TRAF3: variants seen among roughly 807,000 people sequenced by gnomAD.
The protein encoded by TRAF3 is TNF receptor-associated factor 3.
In TRAF3, 13 loss-of-function variants were observed where a neutral mutation model predicts 62.3. That is an observed-to-expected ratio of 0.21 (90% CI 0.14 to 0.33). The LOEUF is 0.33. TRAF3 is among the 10% of genes least tolerant of loss of function. The pLI, the probability that TRAF3 is intolerant of heterozygous loss-of-function variation, is 1.00. For synonymous variants in TRAF3, 269 were observed against 283.4 expected, an observed-to-expected ratio of 0.95 and a Z score of 0.51; for missense variants, 440 against 741.8, an observed-to-expected ratio of 0.59 and a Z score of 4.73.
chr14:102,810,549 C>T (rs992626645), intron 1 of TRAF3: 10 of 152,326 alleles, frequency 6.6e-5, no homozygotes, highest in African/African-American at 2.4e-4. Flanking sequence ...TTGCAGTGTT[C>T]ACAAGACACT....
rs117075635 is a variant in TRAF3, at chr14:102,903,173, C to G, written c.961-82C>G. On this transcript the variant is annotated intron_variant, in intron 10 of 11. Coordinates refer to ENST00000392745, the MANE Select transcript of TRAF3 (RefSeq NM_145725.3). The surrounding 1 kb of genome is among the most constrained non-coding windows in gnomAD (Gnocchi z 6.4). ...GGGCCTCTGACTGTTCTGCTCCTAG[C>G]CTGTCTGTATTTGATGGAAGGTGGT... The G allele has an allele frequency of 6.2e-3, 9,833 of 1,594,968 alleles. 52 individuals are homozygous for G. The highest frequency in any genetic ancestry group is 7.5e-3 in the Non-Finnish European group (8,709 of 1,163,262).
intron 1 of TRAF3, among the ~76,000 whole-genome samples, chr14:102,812,330 G>A (rs1205698034): frequency 6.6e-6 from 1 of 152,074 alleles, no homozygotes; most frequent in East Asian, 1.9e-4. Context: ...GTGAACGACA[G>A]GATTTCATTC....
intron 1 of TRAF3, among the ~76,000 whole-genome samples, chr14:102,829,991 A>G (rs1025073641): frequency 6.6e-6 from 1 of 152,168 alleles, no homozygotes; most frequent in Non-Finnish European, 1.5e-5. Flanking sequence ...AAATAAATAA[A>G]TAAATAAAAC....
chr14:102,817,450 A>G (rs1311390193), intron 1 of TRAF3, among the ~76,000 whole-genome samples: 4 of 152,170 alleles, frequency 2.6e-5, no homozygotes, highest in South Asian at 4.2e-4. Flanking sequence ...GTGCTCTGGA[A>G]GGCAGGGTGT....
intron 2 of TRAF3, among the ~76,000 whole-genome samples, chr14:102,858,208 A>G (rs567327935): frequency 1.3e-4 from 19 of 151,640 alleles, no homozygotes; most frequent in Middle Eastern, 3.4e-3. Context: ...CTGGCATGCA[A>G]TGGCGTGATC....
At chr14:102,894,928 T>C in intron 9 of TRAF3, 3 of 334,226 alleles carry the variant, frequency 9.0e-6, no homozygotes, top group East Asian at 8.7e-5. Context: ...CTTCAATTCC[T>C]TGGGCTCAAG....
At chr14:102,782,973 G>A (rs1274335364) in intron 1 of TRAF3, among the ~76,000 whole-genome samples, 3 of 152,198 alleles carry the variant, frequency 2.0e-5, no homozygotes, top group Non-Finnish European at 2.9e-5. Context: ...CAGGAGTCAT[G>A]AGAATTGTAA....
chr14:102,791,810 T>C (rs1897802580), intron 1 of TRAF3, among the ~76,000 whole-genome samples: 1 of 142,840 alleles, frequency 7.0e-6, no homozygotes, highest in African/African-American at 2.6e-5. Flanking sequence ...TTTTCTTTCT[T>C]TCCTTTTTTT....
intron 2 of TRAF3, among the ~76,000 whole-genome samples, chr14:102,860,349 T>G (rs1322704412): frequency 1.3e-5 from 2 of 152,184 alleles, no homozygotes; most frequent in Admixed American, 1.3e-4. Context: ...TCTATCCACT[T>G]TTAATAATTC....
intron 2 of TRAF3, among the ~76,000 whole-genome samples, chr14:102,840,752 C>T (rs2139677346): frequency 6.6e-6 from 1 of 152,156 alleles, no homozygotes; most frequent in South Asian, 2.1e-4. Flanking sequence ...CTTGGCTTGC[C>T]CTAGTCCCAA....
chr14:102,833,409 G>T (rs757150741), intron 2 of TRAF3, among the ~76,000 whole-genome samples: 2 of 152,088 alleles, frequency 1.3e-5, no homozygotes, highest in Non-Finnish European at 2.9e-5. Flanking sequence ...TAAGGAGTAG[G>T]AAACAACTAA....
intron 6 of TRAF3, among the ~76,000 whole-genome samples, chr14:102,881,753 T>C (rs951196724): frequency 1.3e-5 from 2 of 152,184 alleles, no homozygotes; most frequent in Admixed American, 6.5e-5. Context: ...TAAATAAATA[T>C]ATAGCTATCA....
rs998811725 is a variant in TRAF3 at position 102,910,305 on chromosome 14, C to G, written c.*4521C>G. 6.6e-6 allele frequency: 1 copy of G among 152,268 alleles called. No individual in the cohort carries two copies. Among genetic ancestry groups the G allele is most frequent in the African/African-American group, 2.4e-5 (1 of 41,462 alleles). The allele number at this position is 152,268 out of a possible 1,614,324, so 9.4% of individuals were successfully genotyped here. The stretch of plus-strand genomic sequence containing the variant: ...TACTTATTAGACTGCAGAAGGAGAG[C>G]TAGGGAGAGTGGGGGAAGCCCCCTT... On this transcript the variant is annotated 3_prime_UTR_variant, in exon 12 of 12. Coordinates refer to ENST00000392745, the MANE Select transcript of TRAF3 (RefSeq NM_145725.3).
At chr14:102,898,464 G>A (rs1165453876) in intron 10 of TRAF3, among the ~76,000 whole-genome samples, 8 of 152,228 alleles carry the variant, frequency 5.3e-5, no homozygotes, top group South Asian at 2.1e-4. Flanking sequence ...TGGCCAAGGC[G>A]ACTGGTCAGG....
chr14:102,836,497 G>A lies in TRAF3; in HGVS notation c.-18+6025G>A, dbSNP rs577657847. 4.6e-5 allele frequency among the ~76,000 whole-genome samples: 7 copies of A among 152,260 alleles called. No homozygotes were observed. The South Asian group carries it at 1.4e-3, about 32-fold the overall frequency. ...CTGCAGTGAATCATTAGTGTATTAG[G>A]TAAAAGCCAACATTGCAGAATATAG... is the stretch of plus-strand genomic sequence containing the variant. On this transcript the variant is annotated intron_variant, in intron 2 of 11. Transcript: ENST00000392745.
intron 2 of TRAF3, among the ~76,000 whole-genome samples, chr14:102,856,972 G>C (rs1887408916): frequency 6.6e-6 from 1 of 152,176 alleles, no homozygotes. Context: ...AAAACATTCA[G>C]TAAACTTATC....
intron 2 of TRAF3, among the ~76,000 whole-genome samples, chr14:102,847,665 C>T (rs1368736726): frequency 1.3e-5 from 2 of 152,160 alleles, no homozygotes; most frequent in African/African-American, 2.4e-5. Flanking sequence ...ATATGACACA[C>T]AGGTATGCCA....
At chr14:102,805,284 G>GA (rs1266324453) in intron 1 of TRAF3, among the ~76,000 whole-genome samples, 1 of 152,154 alleles carries the variant, frequency 6.6e-6, no homozygotes, top group East Asian at 1.9e-4. Context: ...AGATGGGAAG[G>GA]AAAAAGGTAA....
At chr14:102,827,708 G>A (rs1347458508) in intron 1 of TRAF3, among the ~76,000 whole-genome samples, 2 of 152,196 alleles carry the variant, frequency 1.3e-5, no homozygotes, top group Non-Finnish European at 2.9e-5. Flanking sequence ...AGTATTGCAT[G>A]AATGAATGAA....
Sources: allele counts gnomAD v4.1 joint callset (sites outside exome capture counted in the v4.1 genomes callset), GRCh38; gene constraint gnomAD v4.1.1; non-coding constraint Gnocchi (gnomAD v3.1); transcripts MANE v1.5; gene names NCBI Gene and HGNC (gene_info 2026-07-23, HGNC 2026-07-21).